Variants in RORA observed in about 807,000 individuals in gnomAD.
RORA encodes RAR related orphan receptor A, also known as nuclear receptor ROR-alpha.
Under a neutral mutation model 69.5 loss-of-function variants are expected in RORA, and 7 were observed. The ratio of observed to expected loss-of-function variants is 0.10; its 90% CI spans 0.06 to 0.19. The LOEUF is 0.19. Among genes scored for constraint, RORA ranks in the 10% least tolerant of loss-of-function variants. The probability of loss-of-function intolerance (pLI) is 1.00; values close to 1 mark genes in which losing one functional copy is unlikely to be tolerated. For synonymous variants in RORA, 261 were observed against 240.8 expected (o/e 1.08, Z -0.78); for missense variants, 457 against 663.0 (o/e 0.69, Z 3.41).
intron 1 of RORA, among the ~76,000 whole-genome samples, chr15:61,011,548 T>C (rs1341684263): frequency 6.6e-6 from 1 of 152,166 alleles, no homozygotes; most frequent in Non-Finnish European, 1.5e-5. Context: ...GCCGTTTCCT[T>C]TGATTTTCTC....
chr15:61,027,131 C>G (rs950999345), intron 1 of RORA, among the ~76,000 whole-genome samples: 3 of 152,164 alleles, frequency 2.0e-5, no homozygotes, highest in Non-Finnish European at 4.4e-5. Context: ...GAATATGAGC[C>G]CAGTGTGGGC....
chr15:61,032,788 G>A (rs1400545606), intron 1 of RORA, among the ~76,000 whole-genome samples: 1 of 152,090 alleles, frequency 6.6e-6, no homozygotes, highest in Non-Finnish European at 1.5e-5. Context: ...GGGTCAAAGA[G>A]CAGTACAGGG....
intron 2 of RORA, among the ~76,000 whole-genome samples, chr15:60,652,939 G>C (rs906658963): frequency 2.6e-5 from 4 of 152,160 alleles, no homozygotes; most frequent in African/African-American, 9.7e-5. Flanking sequence ...CTTGCTGTCT[G>C]AGCCCATGGC....
intron 1 of RORA, among the ~76,000 whole-genome samples, chr15:61,171,618 T>C (rs75735742): frequency 1.4e-3 from 215 of 152,296 alleles, no homozygotes; most frequent in South Asian, 4.4e-3. Flanking sequence ...CTAGCCCTAC[T>C]TGACTAATAA....
chr15:61,069,512 G>C (rs904295194), intron 1 of RORA, among the ~76,000 whole-genome samples: 1 of 152,082 alleles, frequency 6.6e-6, no homozygotes, highest in South Asian at 2.1e-4. Context: ...AGGAAGGGGC[G>C]AGTGGAAACA....
At chr15:60,545,699 A>AC (rs2067047963) in intron 2 of RORA, among the ~76,000 whole-genome samples, 1 of 152,166 alleles carries the variant, frequency 6.6e-6, no homozygotes. Flanking sequence ...GTCCATTTTA[A>AC]AGTGAATCTG....
chr15:60,979,024 C>T (rs1595858334), intron 1 of RORA, among the ~76,000 whole-genome samples: 4 of 126,906 alleles, frequency 3.2e-5, no homozygotes, highest in South Asian at 5.1e-4. Flanking sequence ...TGCAGTGGTG[C>T]GATCTCAGCT....
chr15:61,148,830 AC>A (rs775529605), intron 1 of RORA, among the ~76,000 whole-genome samples: 50 of 152,292 alleles, frequency 3.3e-4, no homozygotes, highest in Admixed American at 1.3e-3. Flanking sequence ...AACCTAGGTG[AC>A]CTTTTACAGA....
intron 1 of RORA, among the ~76,000 whole-genome samples, chr15:60,771,709 G>T (rs1441977415): frequency 2.6e-5 from 4 of 152,176 alleles, no homozygotes; most frequent in Non-Finnish European, 5.9e-5. Context: ...TTGATAGCCA[G>T]GTTCATTTCC....
chr15:60,888,508 A>T (rs1481002366), intron 1 of RORA, among the ~76,000 whole-genome samples: 1 of 152,208 alleles, frequency 6.6e-6, no homozygotes, highest in Non-Finnish European at 1.5e-5. Context: ...ACACACATGC[A>T]CACACACTCA....
At chr15:61,120,623 C>G (rs1470978415) in intron 1 of RORA, among the ~76,000 whole-genome samples, 2 of 150,598 alleles carry the variant, frequency 1.3e-5, no homozygotes, top group African/African-American at 4.9e-5. Context: ...ACGGCGTTAA[C>G]CCGGGAGGCG....
chr15:60,727,964 G>T (rs954349788), intron 1 of RORA, among the ~76,000 whole-genome samples: 2 of 152,200 alleles, frequency 1.3e-5, no homozygotes, highest in Non-Finnish European at 2.9e-5. Context: ...GTATCTGAAA[G>T]GTCTACCTGC....
rs1303140365 is a variant in RORA at position 60,597,577 on chromosome 15, C to CATATATAT, written c.197-65734_197-65727dup. On this transcript the variant is annotated intron_variant, in intron 2 of 10. Coordinates refer to ENST00000335670, the MANE Select transcript of RORA (RefSeq NM_134261.3). ...ATATATATATATATATATATATACA[C>CATATATAT]ATATATATATATATATACACATATA... Among the ~76,000 whole-genome samples, 75 of 25,298 alleles carry CATATATAT rather than the reference C, an allele frequency of 3.0e-3. 4 individuals are homozygous for CATATATAT. The highest frequency in any genetic ancestry group is 3.7e-3 in the Non-Finnish European group (55 of 14,892). 16.6% of individuals were successfully genotyped at this position (25,298 alleles called of 152,430 possible).
rs1231708250 is a variant in RORA at position 60,646,241 on chromosome 15, C to T, written c.196+32416G>A. Among the ~76,000 whole-genome samples, 5 of 152,146 alleles carry T rather than the reference C, an allele frequency of 3.3e-5. No individual in the cohort carries two copies. The East Asian group carries it at 7.7e-4, about 23-fold the overall frequency. ...TTTATCAAACCTCTACCATAGCTGCCCAAATGCTCTTTTTCCTTGCTTCCA... is the reference window on the plus strand; with the variant it reads ...TTTATCAAACCTCTACCATAGCTGCTCAAATGCTCTTTTTCCTTGCTTCCA... On this transcript the variant is annotated intron_variant, in intron 2 of 10. Transcript: ENST00000335670.
chr15:60,516,093 A>T (rs1197057330), intron 3 of RORA, among the ~76,000 whole-genome samples: 1 of 76,622 alleles, frequency 1.3e-5, no homozygotes, highest in African/African-American at 5.2e-5. Context: ...ATATATATTT[A>T]TATATATTTA....
At position 60,492,091 on chromosome 15, in the gene RORA, ATTC is replaced by A. The variant is rs1468109212; in HGVS notation, c.*5361_*5363del. ...AGGAGAGATTTCTACCATTTTCCAT[ATTC>A]TTTATTATCAAAAACAACATGGTAA... On this transcript the variant is annotated 3_prime_UTR_variant, in exon 11 of 11. Coordinates refer to ENST00000335670, the MANE Select transcript of RORA (RefSeq NM_134261.3). 1 of 152,176 alleles carries A rather than the reference ATTC, an allele frequency of 6.6e-6. No individual in the cohort carries two copies. The highest frequency in any genetic ancestry group is 1.5e-5 in the Non-Finnish European group (1 of 68,024). The allele number at this position is 152,176 out of a possible 1,614,324, so 9.4% of individuals were successfully genotyped here. A position where few individuals can be genotyped will look rare whatever the true frequency, so the allele number is the denominator to read the frequency against.
chr15:61,075,272 T>G (rs1399378370), intron 1 of RORA, among the ~76,000 whole-genome samples: 2 of 152,088 alleles, frequency 1.3e-5, no homozygotes, highest in Non-Finnish European at 2.9e-5. Context: ...GCTTTAGGAA[T>G]CTGGAGGGAG....
At chr15:61,209,733 C>T (rs34413211) in intron 1 of RORA, among the ~76,000 whole-genome samples, 14,355 of 152,262 alleles carry the variant, frequency 0.094, 947 homozygotes, top group Non-Finnish European at 0.14. Context: ...CTCTGTATAA[C>T]TCATTACAGT....
chr15:60,837,959 A>T (rs1595756013), intron 1 of RORA, among the ~76,000 whole-genome samples: 1 of 152,108 alleles, frequency 6.6e-6, no homozygotes, highest in African/African-American at 2.4e-5. Context: ...GCTGGCAGAG[A>T]AAACGTCTGA....
Sources: allele counts gnomAD v4.1 joint callset (sites outside exome capture counted in the v4.1 genomes callset), GRCh38; gene constraint gnomAD v4.1.1; transcripts MANE v1.5; gene names NCBI Gene and HGNC (gene_info 2026-07-23, HGNC 2026-07-21).